Variants in CLEC16A observed in about 807,000 individuals in gnomAD.
CLEC16A encodes protein CLEC16A.
A neutral mutation model predicts 109.5 loss-of-function variants in CLEC16A; 51 were observed. The observed-to-expected ratio is 0.47, with a 90% CI of 0.37 to 0.59. The LOEUF (loss-of-function observed/expected upper bound fraction) is 0.59, where lower values mean the gene tolerates loss of function less well. Among genes scored for constraint, CLEC16A ranks in the 20% least tolerant of loss-of-function variants. CLEC16A has a pLI of 0.00. For missense variants in CLEC16A, 1,339 were observed against 1,394.0 expected (o/e 0.96, Z 0.63); for synonymous variants, 673 against 564.2 (o/e 1.19, Z -2.73).
intron 19 of CLEC16A, among the ~76,000 whole-genome samples, chr16:11,089,204 A>G (rs973058300): frequency 6.6e-6 from 1 of 152,206 alleles, no homozygotes; most frequent in Admixed American, 6.5e-5. Context: ...TACTAAATGA[A>G]TGACAGTAGC....
chr16:11,085,125 C>G (rs894766810), intron 19 of CLEC16A, among the ~76,000 whole-genome samples: 15 of 152,226 alleles, frequency 9.9e-5, no homozygotes, highest in African/African-American at 3.1e-4. Context: ...TTGAAAGGCA[C>G]CTCTGTGCCA....
chr16:11,022,840 A>T (rs937956566), intron 12 of CLEC16A, among the ~76,000 whole-genome samples: 1 of 150,982 alleles, frequency 6.6e-6, no homozygotes, highest in African/African-American at 2.4e-5. Context: ...CAGAGCTTGC[A>T]GTGAGCCGAG....
At position 11,176,251 on chromosome 16, in the gene CLEC16A, C is replaced by G. The variant is rs550839305; in HGVS notation, c.2807-2084C>G. Among the ~76,000 whole-genome samples, 2 of 152,368 alleles carry G rather than the reference C, an allele frequency of 1.3e-5. 1 individual carries two copies. The highest frequency in any genetic ancestry group is 4.1e-4 in the South Asian group (2 of 4,830). ...TGAATGGAGCAAATCAGTTGAAATTCAAAGAAACCAGAATTCGCATGTAGT... is the reference window on the plus strand; with the variant it reads ...TGAATGGAGCAAATCAGTTGAAATTGAAAGAAACCAGAATTCGCATGTAGT... On this transcript the variant is annotated intron_variant, in intron 23 of 23. Coordinates refer to ENST00000409790, the MANE Select transcript of CLEC16A (RefSeq NM_015226.3).
intron 10 of CLEC16A, among the ~76,000 whole-genome samples, chr16:10,986,617 A>T (rs946756285): frequency 3.3e-5 from 5 of 152,134 alleles, no homozygotes; most frequent in African/African-American, 1.2e-4. Flanking sequence ...GATACCTCGT[A>T]TAAGTAGAAT....
At chr16:11,091,113 T>G (rs771503443) in intron 19 of CLEC16A, among the ~76,000 whole-genome samples, 1 of 152,240 alleles carries the variant, frequency 6.6e-6, no homozygotes, top group East Asian at 1.9e-4. Flanking sequence ...ATTTTGCCTT[T>G]AAAGCGCCTA....
At chr16:11,142,974 C>T (rs996005136) in intron 22 of CLEC16A, among the ~76,000 whole-genome samples, 7 of 152,168 alleles carry the variant, frequency 4.6e-5, no homozygotes, top group Non-Finnish European at 7.3e-5. Context: ...CCACGCCTAG[C>T]TAATTTTTGT....
chr16:11,045,696 G>C (rs1483528655), intron 16 of CLEC16A, among the ~76,000 whole-genome samples: 1 of 152,182 alleles, frequency 6.6e-6, no homozygotes, highest in Non-Finnish European at 1.5e-5. Context: ...GGTCTCTGCA[G>C]ATCCTGCGAG....
At position 10,977,263 on chromosome 16, in the gene CLEC16A, A is replaced by G; in HGVS notation, c.767A>G (p.Glu256Gly). The G allele has an allele frequency of 6.2e-7, 1 of 1,613,962 alleles. No homozygotes were observed. Among genetic ancestry groups the G allele is most frequent in the Non-Finnish European group, 8.5e-7 (1 of 1,179,874 alleles). ...NRGKLSDLVA[E>G]HLDHLHYLND... is the part of the protein sequence containing the mutation. Reference sequence around the variant, plus strand: ...GGTAAACTGAGTGATCTGGTGGCAGAGCACCTAGACCACCTGCACTATCTC... The same window carrying G: ...GGTAAACTGAGTGATCTGGTGGCAGGGCACCTAGACCACCTGCACTATCTC... The change falls in exon 8 of 24, where the codon GAG (glutamate) becomes GGG (glycine). Residue 256 changes from glutamate (E) to glycine (G), a missense_variant. Glu to Gly is a moderately conservative substitution (Grantham distance 98, BLOSUM62 -2). Around this residue, in one of 3 missense-constraint regions of CLEC16A, gnomAD observed 161 missense variants for 267.1 expected, o/e 0.60. Transcript: ENST00000409790.
At chr16:11,134,220 C>T (rs1339701889) in intron 22 of CLEC16A, among the ~76,000 whole-genome samples, 1 of 141,634 alleles carries the variant, frequency 7.1e-6, no homozygotes, top group African/African-American at 2.7e-5. Context: ...AAGGGCCTAA[C>T]AGCAGCCACC....
At chr16:11,171,864 G>T (rs2068525769) in intron 23 of CLEC16A, among the ~76,000 whole-genome samples, 1 of 144,648 alleles carries the variant, frequency 6.9e-6, no homozygotes, top group Non-Finnish European at 1.5e-5. Flanking sequence ...TCACACACAT[G>T]CCAGGGCACA....
At chr16:11,123,688 C>T (rs959337597) in intron 20 of CLEC16A, 54 bp from the exon 21 acceptor site, 57 of 1,564,330 alleles carry the variant, frequency 3.6e-5, no homozygotes, top group Non-Finnish European at 4.4e-5. Flanking sequence ...CAGCTCCTAG[C>T]CACCCTCCTC....
At chr16:11,044,656 C>A (rs1022652740) in intron 16 of CLEC16A, among the ~76,000 whole-genome samples, 1 of 152,176 alleles carries the variant, frequency 6.6e-6, no homozygotes, top group Non-Finnish European at 1.5e-5. Flanking sequence ...TGCCGCCAGG[C>A]ATGGTGGCTC....
At chr16:11,074,892 G>A (rs2049263629) in intron 19 of CLEC16A, among the ~76,000 whole-genome samples, 1 of 152,120 alleles carries the variant, frequency 6.6e-6, no homozygotes, top group Non-Finnish European at 1.5e-5. Context: ...TTGTTTTTAA[G>A]CCAGGCACAG....
chr16:11,160,607 C>G (rs1436657949), intron 22 of CLEC16A, among the ~76,000 whole-genome samples: 1 of 152,204 alleles, frequency 6.6e-6, no homozygotes, highest in South Asian at 2.1e-4. Flanking sequence ...GCCAGCCCGT[C>G]CCTTGTCCCT....
At chr16:11,128,610 C>T (rs561717133) in intron 22 of CLEC16A, among the ~76,000 whole-genome samples, 11 of 152,328 alleles carry the variant, frequency 7.2e-5, no homozygotes, top group Admixed American at 2.0e-4. Flanking sequence ...AGGGAGGCCT[C>T]GCTGCCCTCC....
chr16:11,079,458 G>A (rs561406871), intron 19 of CLEC16A, among the ~76,000 whole-genome samples: 1 of 152,320 alleles, frequency 6.6e-6, no homozygotes, highest in African/African-American at 2.4e-5. Flanking sequence ...CCTTTGGACT[G>A]ACTGGGATGC....
At chr16:10,997,369 G>A (rs2044391796) in intron 10 of CLEC16A, among the ~76,000 whole-genome samples, 1 of 152,212 alleles carries the variant, frequency 6.6e-6, no homozygotes, top group Non-Finnish European at 1.5e-5. Context: ...TTATATTCAT[G>A]TATAATTCGA....
At chr16:11,027,806 G>A (rs1391891381) in intron 13 of CLEC16A, 1 of 828,630 alleles carries the variant, frequency 1.2e-6, no homozygotes, top group Non-Finnish European at 2.0e-6. Flanking sequence ...TCAATGAAGT[G>A]GAAGCATGTG....
intron 22 of CLEC16A, among the ~76,000 whole-genome samples, chr16:11,161,578 C>T (rs552012862): frequency 2.6e-5 from 4 of 152,276 alleles, no homozygotes; most frequent in Non-Finnish European, 4.4e-5. Context: ...GGCCTTGACT[C>T]GAAAGATATC....
Sources: gnomAD v4.1 joint callset for allele counts (sites outside exome capture counted in the v4.1 genomes callset) on GRCh38, gnomAD v4.1.1 for gene constraint, gnomAD v4.1.1 regional missense constraint, MANE v1.5 for transcripts, NCBI Gene and HGNC (gene_info 2026-07-23, HGNC 2026-07-21) for gene names.